CORO2A: variants seen among roughly 807,000 people sequenced by gnomAD.
CORO2A encodes the protein coronin-2A.
Under a neutral mutation model 62.4 loss-of-function variants are expected in CORO2A, and 47 were observed. That is an observed-to-expected ratio of 0.75 (90% CI 0.60 to 0.96). CORO2A has a LOEUF of 0.96. Among genes scored for constraint, CORO2A ranks in the 40% least tolerant of loss-of-function variants. CORO2A has a pLI of 0.00. For synonymous variants in CORO2A, 273 were observed against 268.9 expected (o/e 1.02, Z -0.15); for missense variants, 610 against 684.1 (o/e 0.89, Z 1.21).
intron 2 of CORO2A, among the ~76,000 whole-genome samples, chr9:98,144,901 A>G (rs368791212): frequency 6.6e-5 from 10 of 152,234 alleles, no homozygotes; most frequent in Non-Finnish European, 8.8e-5. Flanking sequence ...AGAGAGGTGG[A>G]CAAATGGATA....
At chr9:98,148,263 C>T (rs570700541) in intron 2 of CORO2A, among the ~76,000 whole-genome samples, 10 of 151,214 alleles carry the variant, frequency 6.6e-5, no homozygotes, top group Non-Finnish European at 1.2e-4. Flanking sequence ...GGTGTGGTGG[C>T]ATGTGCCTGT....
chr9:98,183,767 C>T (rs1007241375), intron 1 of CORO2A, among the ~76,000 whole-genome samples: 1 of 152,154 alleles, frequency 6.6e-6, no homozygotes, highest in African/African-American at 2.4e-5. Context: ...CGAGACCAGC[C>T]TGGCCAACAT....
chr9:98,184,232 ATT>A (rs55763078), intron 1 of CORO2A, among the ~76,000 whole-genome samples: 2 of 148,876 alleles, frequency 1.3e-5, no homozygotes, highest in Non-Finnish European at 3.0e-5. Flanking sequence ...ATTTTATTTT[ATT>A]TTTTTTTTTA....
chr9:98,125,347 T>C (rs1827301643), intron 11 of CORO2A, among the ~76,000 whole-genome samples: 1 of 152,162 alleles, frequency 6.6e-6, no homozygotes, highest in Non-Finnish European at 1.5e-5. Flanking sequence ...CACTGGAACG[T>C]TGTGACACCC....
intron 6 of CORO2A, 120 bp from the exon 7 acceptor site, chr9:98,131,179 AGT>A (rs1827403246): frequency 4.5e-6 from 3 of 664,686 alleles, no homozygotes; most frequent in Admixed American, 5.5e-5. Flanking sequence ...TCAGAGAAAA[AGT>A]GTGATTTTTT....
At chr9:98,125,153 A>C (rs1433748754) in intron 11 of CORO2A, among the ~76,000 whole-genome samples, 4 of 152,212 alleles carry the variant, frequency 2.6e-5, no homozygotes, top group East Asian at 1.9e-4. Context: ...AAATAGAGGA[A>C]AGGATGCCTG....
chr9:98,172,309 C>T (rs1283765921), intron 1 of CORO2A, among the ~76,000 whole-genome samples: 1 of 130,982 alleles, frequency 7.6e-6, no homozygotes, highest in Non-Finnish European at 1.6e-5. Context: ...CTTCCGAGCT[C>T]AGCCCCACAC....
intron 1 of CORO2A, among the ~76,000 whole-genome samples, chr9:98,186,310 T>C (rs1588017653): frequency 6.6e-6 from 1 of 152,074 alleles, no homozygotes; most frequent in Non-Finnish European, 1.5e-5. Flanking sequence ...TGGGGGATGG[T>C]ATCTTAATGG....
In CORO2A at chr9:98,121,325, A is replaced by C. The variant is rs886610841; in HGVS notation, c.*3449T>G. 6.6e-6 allele frequency: 1 copy of C among 152,206 alleles called. No individual in the cohort carries two copies. The highest frequency in any genetic ancestry group is 1.5e-5 in the Non-Finnish European group (1 of 68,028). 9.4% of individuals were successfully genotyped at this position (152,206 alleles called of 1,614,324 possible). A position where few individuals can be genotyped will look rare whatever the true frequency, so the allele number is the denominator to read the frequency against. ...CAGAAAGGGGACGCCCAGGGTATGGAATAAGGAGATGAGAGCATGCTCTGC... is the reference window on the plus strand; with the variant it reads ...CAGAAAGGGGACGCCCAGGGTATGGCATAAGGAGATGAGAGCATGCTCTGC... On this transcript the variant is annotated 3_prime_UTR_variant, in exon 12 of 12. Transcript: ENST00000375077.
In CORO2A at chr9:98,124,664, T is replaced by A; in HGVS notation, c.*110A>T. On this transcript the variant is annotated 3_prime_UTR_variant, in exon 12 of 12. Transcript: ENST00000375077. ...AGCGATGGAGAGTTTTGTTTTCTGGTAAAAAATATAGAAATAGTGGTTGTC... is the reference window on the plus strand; with the variant it reads ...AGCGATGGAGAGTTTTGTTTTCTGGAAAAAAATATAGAAATAGTGGTTGTC... The A allele has an allele frequency of 8.7e-7, 1 of 1,149,698 alleles. No individual in the cohort carries two copies. Among genetic ancestry groups the A allele is most frequent in the Non-Finnish European group, 1.1e-6 (1 of 872,314 alleles). The allele number at this position is 1,149,698 out of a possible 1,614,324, so 71.2% of individuals were successfully genotyped here.
intron 1 of CORO2A, among the ~76,000 whole-genome samples, chr9:98,187,653 T>A (rs1828256763): frequency 6.6e-6 from 1 of 152,066 alleles, no homozygotes; most frequent in South Asian, 2.1e-4. Flanking sequence ...GGGGCCTCTT[T>A]TATAAGAACA....
At chr9:98,157,301 A>G in intron 2 of CORO2A, 159 bp downstream of exon 2, 1 of 675,170 alleles carries the variant, frequency 1.5e-6, no homozygotes, top group East Asian at 2.8e-5. Context: ...TATTTTTCCC[A>G]GTGAGGAAAC....
At chr9:98,157,761 AC>A (rs1564210559) in intron 1 of CORO2A, 101 bp from the exon 2 acceptor site, 5 of 1,133,736 alleles carry the variant, frequency 4.4e-6, no homozygotes, top group Middle Eastern at 3.0e-4. Context: ...TACGAGCAGG[AC>A]AGTGGTCAGT....
At chr9:98,167,832 T>C (rs967682650) in intron 1 of CORO2A, among the ~76,000 whole-genome samples, 1 of 152,202 alleles carries the variant, frequency 6.6e-6, no homozygotes, top group African/African-American at 2.4e-5. Context: ...TTAAAATAAC[T>C]TGCGGTTGTT....
In CORO2A at chr9:98,129,863, C is replaced by G; in HGVS notation, c.898G>C (p.Val300Leu). 1 of 1,614,054 alleles carries G rather than the reference C, an allele frequency of 6.2e-7. No individual in the cohort carries two copies. Among genetic ancestry groups the G allele is most frequent in the Non-Finnish European group, 8.5e-7 (1 of 1,179,974 alleles). ...CTCAGGTGAGGCTTGTCGGCGCTCA[C>G]CTCGTAGTAGCGGATGTTGCCATCT... ...KGDGNIRYYE[V>L]SADKPHLSYL... The change falls in exon 8 of 12, where the codon GTG becomes CTG. Residue 300 changes from valine to leucine, a missense_variant. By Grantham distance (32) the Val-to-Leu change is conservative. Coordinates refer to ENST00000375077, the MANE Select transcript of CORO2A (RefSeq NM_052820.4).
chr9:98,171,247 CCCACAGTCAG>C (rs1260080044), intron 1 of CORO2A, among the ~76,000 whole-genome samples: 3 of 152,196 alleles, frequency 2.0e-5, no homozygotes, highest in Non-Finnish European at 4.4e-5. Context: ...TGCTTAGCGT[CCCACAGTCAG>C]CCCGAGGCAG....
Position 98,134,856 on chromosome 9 carries a change from A to G in CORO2A, c.418T>C (p.Trp140Arg). Residue 140 changes from tryptophan to arginine, a missense_variant, in exon 4 of 12, where the codon TGG becomes CGG. Trp to Arg is a moderately radical substitution (Grantham distance 101). Transcript: ENST00000375077. ...AGGATGTTGGCGGCCGTGGGGTGCC[A>G]CTCCACCAGGCCTACTCTGCGCGCG... Reference protein sequence around the residue: ...GHARRVGLVEWHPTAANILFS... With the variant: ...GHARRVGLVERHPTAANILFS... 1 of 1,613,760 alleles carries G rather than the reference A, an allele frequency of 6.2e-7. No individual in the cohort carries two copies. Among genetic ancestry groups the G allele is most frequent in the Non-Finnish European group, 8.5e-7 (1 of 1,179,894 alleles).
At chr9:98,140,720 A>C (rs1827553754) in intron 2 of CORO2A, among the ~76,000 whole-genome samples, 1 of 152,154 alleles carries the variant, frequency 6.6e-6, no homozygotes, top group Non-Finnish European at 1.5e-5. Context: ...TAGGGATTAC[A>C]GGCATGGGCC....
At chr9:98,127,470 G>A (rs1199430293) in intron 10 of CORO2A, among the ~76,000 whole-genome samples, 1 of 152,158 alleles carries the variant, frequency 6.6e-6, no homozygotes, top group Non-Finnish European at 1.5e-5. Flanking sequence ...AGAGTGGGCA[G>A]AGGGACCTGG....
Sources: gnomAD v4.1 joint callset for allele counts (sites outside exome capture counted in the v4.1 genomes callset) on GRCh38, gnomAD v4.1.1 for gene constraint, MANE v1.5 for transcripts, NCBI Gene and HGNC (gene_info 2026-07-23, HGNC 2026-07-21) for gene names.